Variants in CDKAL1 observed in about 807,000 individuals in gnomAD.
The protein encoded by CDKAL1 is threonylcarbamoyladenosine tRNA methylthiotransferase.
CDKAL1 carries 32 observed loss-of-function variants against 68.2 expected under a neutral mutation model. The ratio of observed to expected loss-of-function variants is 0.47; its 90% CI spans 0.35 to 0.63. The LOEUF (loss-of-function observed/expected upper bound fraction) is 0.63. Ranked by LOEUF, CDKAL1 falls within the 30% of genes least tolerant of loss-of-function variation. The pLI is 0.00. For missense variants in CDKAL1, 606 were observed against 696.7 expected, an observed-to-expected ratio of 0.87 and a Z score of 1.47; for synonymous variants, 234 against 244.3, an observed-to-expected ratio of 0.96 and a Z score of 0.39.
intron 5 of CDKAL1, among the ~76,000 whole-genome samples, chr6:20,722,756 G>A (rs1772441930): frequency 6.6e-6 from 1 of 152,072 alleles, no homozygotes; most frequent in Non-Finnish European, 1.5e-5. Flanking sequence ...CCAATTGAAT[G>A]TTGCCTTTTC....
intron 9 of CDKAL1, among the ~76,000 whole-genome samples, chr6:20,916,839 T>C (rs1008644710): frequency 3.3e-5 from 5 of 152,170 alleles, no homozygotes; most frequent in African/African-American, 4.8e-5. Flanking sequence ...GGTCTCACTG[T>C]GTATAAAACT....
chr6:20,869,149 C>G (rs943509557), intron 9 of CDKAL1, among the ~76,000 whole-genome samples: 1 of 152,120 alleles, frequency 6.6e-6, no homozygotes, highest in Non-Finnish European at 1.5e-5. Context: ...GGGAGTTGCT[C>G]TCAACAGTGG....
chr6:20,745,820 A>G (rs190995588), intron 6 of CDKAL1, among the ~76,000 whole-genome samples: 159 of 152,364 alleles, frequency 1.0e-3, no homozygotes, highest in Non-Finnish European at 2.0e-3. Flanking sequence ...CGTGGGGCCC[A>G]GAGGCCATGG....
At chr6:20,694,143 A>G (rs1443348081) in intron 5 of CDKAL1, among the ~76,000 whole-genome samples, 4 of 151,364 alleles carry the variant, frequency 2.6e-5, no homozygotes, top group Non-Finnish European at 5.9e-5. Context: ...TTAACCTCCA[A>G]GTTTATGTGG....
intron 11 of CDKAL1, among the ~76,000 whole-genome samples, chr6:21,047,192 A>G (rs1190795093): frequency 6.6e-6 from 1 of 151,934 alleles, no homozygotes; most frequent in African/African-American, 2.4e-5. Context: ...CTAGGACTAC[A>G]GGTGTGTGTT....
chr6:20,784,037 AC>A (rs1775548655), intron 8 of CDKAL1, among the ~76,000 whole-genome samples: 1 of 152,030 alleles, frequency 6.6e-6, no homozygotes, highest in African/African-American at 2.4e-5. Context: ...ACAAGGTGAA[AC>A]CCCGACTCTA....
chr6:21,148,951 G>A (rs1049977287), intron 13 of CDKAL1, among the ~76,000 whole-genome samples: 1 of 152,110 alleles, frequency 6.6e-6, no homozygotes, highest in Non-Finnish European at 1.5e-5. Flanking sequence ...CTAGGATGAA[G>A]TTTTACATCT....
rs1420805546 is a variant in CDKAL1, at chr6:20,590,506, T to G, written c.286+41801T>G. 3.3e-5 allele frequency among the ~76,000 whole-genome samples: 5 copies of G among 152,100 alleles called. No homozygotes were observed. In the East Asian group the frequency reaches 9.6e-4, roughly 29 times the overall value. ...ATTTCTCCTAATGCTATCCCTCTCC[T>G]AGCCCCCCACTCCCCAACAGCCCCC... On this transcript the variant is annotated intron_variant, in intron 4 of 15. Transcript: ENST00000274695.
At chr6:20,656,764 T>G (rs1271685593) in intron 5 of CDKAL1, among the ~76,000 whole-genome samples, 1 of 152,174 alleles carries the variant, frequency 6.6e-6, no homozygotes, top group Non-Finnish European at 1.5e-5. Context: ...TTTGAATGAT[T>G]AAGTAGAAAT....
chr6:20,696,592 T>C (rs1203660999), intron 5 of CDKAL1, among the ~76,000 whole-genome samples: 1 of 152,248 alleles, frequency 6.6e-6, no homozygotes, highest in Admixed American at 6.5e-5. Flanking sequence ...AAAAACTGTT[T>C]GTATTTTTAA....
intron 7 of CDKAL1, among the ~76,000 whole-genome samples, chr6:20,759,783 T>C (rs2150350713): frequency 6.6e-6 from 1 of 152,296 alleles, no homozygotes; most frequent in East Asian, 1.9e-4. Context: ...TTCAACTCTG[T>C]GGTATAATTT....
intron 4 of CDKAL1, among the ~76,000 whole-genome samples, chr6:20,581,549 T>A (rs1561940942): frequency 6.6e-6 from 1 of 152,234 alleles, no homozygotes; most frequent in Non-Finnish European, 1.5e-5. Context: ...ATCACAAGTT[T>A]CATTAACTTT....
At position 20,546,348 on chromosome 6, in the gene CDKAL1, A is replaced by G; in HGVS notation, c.-3A>G. On this transcript the variant is annotated splice_region_variant and 5_prime_UTR_variant, in exon 3 of 16. Coordinates refer to ENST00000274695, the MANE Select transcript of CDKAL1 (RefSeq NM_017774.3). ...TATTTATAACTTTTATGTGGTAGAG[A>G]ATATGCCTTCTGCATCCTGTGATAC... The G allele has an allele frequency of 5.0e-6, 8 of 1,605,508 alleles. No homozygotes were observed. The highest frequency in any genetic ancestry group is 6.8e-6 in the Non-Finnish European group (8 of 1,174,662).
At chr6:20,538,577 G>A (rs913287275) in intron 2 of CDKAL1, among the ~76,000 whole-genome samples, 1 of 152,028 alleles carries the variant, frequency 6.6e-6, no homozygotes, top group Non-Finnish European at 1.5e-5. Context: ...TTTCTCTTCA[G>A]TGGATCCATA....
chr6:20,893,842 C>T (rs914392284), intron 9 of CDKAL1, among the ~76,000 whole-genome samples: 2 of 151,984 alleles, frequency 1.3e-5, no homozygotes. Context: ...CAAGAACTCA[C>T]GATACTGATG....
At chr6:20,560,572 C>T (rs1764227902) in intron 4 of CDKAL1, among the ~76,000 whole-genome samples, 1 of 152,124 alleles carries the variant, frequency 6.6e-6, no homozygotes, top group African/African-American at 2.4e-5. Flanking sequence ...TAAAAACTAA[C>T]CTTTGCATAG....
intron 12 of CDKAL1, among the ~76,000 whole-genome samples, chr6:21,088,533 G>C (rs1171947584): frequency 2.0e-5 from 3 of 152,218 alleles, no homozygotes; most frequent in Non-Finnish European, 4.4e-5. Flanking sequence ...AGCATAGCTA[G>C]TTCAAAAGTT....
chr6:21,169,921 A>ACCCCCC (rs57265201), intron 13 of CDKAL1, among the ~76,000 whole-genome samples: 5 of 127,752 alleles, frequency 3.9e-5, no homozygotes, highest in Non-Finnish European at 4.9e-5. Flanking sequence ...TACGGGAAAG[A>ACCCCCC]CCCCCCCCAC....
At chr6:20,671,653 T>C (rs1211405634) in intron 5 of CDKAL1, among the ~76,000 whole-genome samples, 1 of 152,192 alleles carries the variant, frequency 6.6e-6, no homozygotes, top group Non-Finnish European at 1.5e-5. Context: ...ATCTACTTTT[T>C]TCTTTGTGTA....
Sources: gnomAD v4.1 joint callset for allele counts (sites outside exome capture counted in the v4.1 genomes callset) on GRCh38, gnomAD v4.1.1 for gene constraint, MANE v1.5 for transcripts, NCBI Gene and HGNC (gene_info 2026-07-23, HGNC 2026-07-21) for gene names.